DCDC1: variants seen among roughly 807,000 people sequenced by gnomAD.
DCDC1 encodes the protein doublecortin domain containing 1, also known as doublecortin domain-containing protein 1.
Under a neutral mutation model 178.3 loss-of-function variants are expected in DCDC1, and 200 were observed. The ratio of observed to expected loss-of-function variants is 1.12; its 90% CI spans 1.00 to 1.26. The LOEUF is 1.26. DCDC1 is among the 50% of genes most tolerant of loss of function. The probability of loss-of-function intolerance (pLI) is 0.00; values close to 1 mark genes in which losing one functional copy is unlikely to be tolerated. For missense variants in DCDC1, 1,983 were observed against 1,749.2 expected, an observed-to-expected ratio of 1.13 and a Z score of -2.38; for synonymous variants, 690 against 604.8, an observed-to-expected ratio of 1.14 and a Z score of -2.07.
intron 9 of DCDC1, among the ~76,000 whole-genome samples, chr11:31,172,996 T>C (rs566550052): frequency 6.6e-6 from 1 of 152,226 alleles, no homozygotes; most frequent in East Asian, 1.9e-4. Context: ...ATTCATAGAC[T>C]CATAAGAGCT....
chr11:31,041,220 T>C (rs1463975758), intron 20 of DCDC1, among the ~76,000 whole-genome samples: 1 of 152,170 alleles, frequency 6.6e-6, no homozygotes, highest in Non-Finnish European at 1.5e-5. Context: ...GCTTGTATTC[T>C]CAAAAGAAAG....
rs146211520 is a variant in DCDC1 at position 30,908,364 on chromosome 11, G to C, written c.3918+582C>G. Among the ~76,000 whole-genome samples the C allele has an allele frequency of 3.1e-4, 47 of 152,190 alleles. No individual in the cohort carries two copies. The East Asian group carries it at 7.7e-3, about 25-fold the overall frequency. On this transcript the variant is annotated intron_variant, in intron 29 of 38. Transcript: ENST00000684477. ...TTAAGGGGCATTCAATATGAAAATG[G>C]AGCCAGACTACGCAACTGAGTGTCA... is the stretch of plus-strand genomic sequence containing the variant.
chr11:31,344,161 T>A (rs1950695579), intron 1 of DCDC1, among the ~76,000 whole-genome samples: 1 of 152,128 alleles, frequency 6.6e-6, no homozygotes, highest in African/African-American at 2.4e-5. Context: ...GACAATTAAA[T>A]GAGAACTAAT....
chr11:31,060,875 G>A (rs1242628249), intron 20 of DCDC1, among the ~76,000 whole-genome samples: 7 of 152,102 alleles, frequency 4.6e-5, no homozygotes, highest in Non-Finnish European at 7.4e-5. Flanking sequence ...CAAAGCTCAT[G>A]AGATATTAAA....
chr11:31,209,606 A>C (rs1438489794), intron 9 of DCDC1, among the ~76,000 whole-genome samples: 1 of 152,226 alleles, frequency 6.6e-6, no homozygotes, highest in Non-Finnish European at 1.5e-5. Context: ...CATATCTCAG[A>C]GGGGCAGTTA....
rs1940820308 is a variant in DCDC1, at chr11:30,864,227, A to T, written c.*1146T>A. On this transcript the variant is annotated 3_prime_UTR_variant, in exon 39 of 39. Coordinates refer to ENST00000684477, the MANE Select transcript of DCDC1 (RefSeq NM_001387274.1). ...AAATCAACTTGAGAACTGCTTCATG[A>T]TTGCCTGTCGAAGTCTCAAATGTTG... 1 of 152,216 alleles carries T rather than the reference A, an allele frequency of 6.6e-6. No homozygotes were observed. The allele number at this position is 152,216 out of a possible 1,614,324, so 9.4% of individuals were successfully genotyped here.
At chr11:31,051,209 C>T (rs1210807076) in intron 20 of DCDC1, among the ~76,000 whole-genome samples, 2 of 152,038 alleles carry the variant, frequency 1.3e-5, no homozygotes, top group Non-Finnish European at 2.9e-5. Flanking sequence ...TAGAACTGAA[C>T]AAGTAGAAGA....
At chr11:31,366,603 G>A (rs111565378) in intron 1 of DCDC1, among the ~76,000 whole-genome samples, 1 of 152,186 alleles carries the variant, frequency 6.6e-6, no homozygotes, top group African/African-American at 2.4e-5. Flanking sequence ...GGTGTTATAA[G>A]TAAGGAGAAG....
chr11:31,102,488 T>C (rs1336213705), intron 14 of DCDC1, among the ~76,000 whole-genome samples: 1 of 152,196 alleles, frequency 6.6e-6, no homozygotes. Flanking sequence ...TATGTCCCTC[T>C]AGACATATTT....
chr11:30,890,944 T>C (rs901873073), intron 36 of DCDC1, among the ~76,000 whole-genome samples: 2 of 152,302 alleles, frequency 1.3e-5, no homozygotes, highest in South Asian at 2.1e-4. Context: ...AGGCTTGTAA[T>C]AAATATTCTT....
intron 20 of DCDC1, among the ~76,000 whole-genome samples, chr11:31,000,471 C>G (rs542077034): frequency 6.6e-6 from 1 of 152,062 alleles, no homozygotes; most frequent in Non-Finnish European, 1.5e-5. Context: ...AATTTCAGAG[C>G]CCTTTTCTGT....
At chr11:31,213,389 G>C (rs893071557) in intron 9 of DCDC1, among the ~76,000 whole-genome samples, 28 of 151,766 alleles carry the variant, frequency 1.8e-4, no homozygotes, top group African/African-American at 6.8e-4. Flanking sequence ...TAAAGTAGGA[G>C]TATTAAATCC....
intron 20 of DCDC1, among the ~76,000 whole-genome samples, chr11:30,953,762 T>C (rs1161700427): frequency 6.6e-6 from 1 of 152,078 alleles, no homozygotes; most frequent in African/African-American, 2.4e-5. Context: ...TGAAAGTACG[T>C]ATTCAAACAA....
intron 36 of DCDC1, among the ~76,000 whole-genome samples, chr11:30,884,048 T>TTTTTTTTTTTA (rs1565023355): frequency 1.4e-5 from 2 of 147,294 alleles, no homozygotes; most frequent in African/African-American, 5.0e-5. Flanking sequence ...TTTTTTTTTT[T>TTTTTTTTTTTA]GAGACAGGGT....
At chr11:31,225,480 A>T (rs956449195) in intron 9 of DCDC1, among the ~76,000 whole-genome samples, 1 of 151,832 alleles carries the variant, frequency 6.6e-6, no homozygotes, top group Non-Finnish European at 1.5e-5. Context: ...GAACTTATCC[A>T]TGTAACCAAA....
At chr11:31,055,553 C>A (rs1955531051) in intron 20 of DCDC1, among the ~76,000 whole-genome samples, 1 of 152,158 alleles carries the variant, frequency 6.6e-6, no homozygotes, top group African/African-American at 2.4e-5. Context: ...CTTGCACATG[C>A]GTGTTTATAG....
At chr11:31,129,130 A>G (rs894350042) in intron 10 of DCDC1, among the ~76,000 whole-genome samples, 2 of 152,150 alleles carry the variant, frequency 1.3e-5, no homozygotes, top group Non-Finnish European at 2.9e-5. Context: ...GAGCATTCAG[A>G]GAAGTTAGTG....
intron 21 of DCDC1, among the ~76,000 whole-genome samples, chr11:30,940,444 C>A (rs1352856482): frequency 3.9e-5 from 6 of 152,110 alleles, no homozygotes; most frequent in Non-Finnish European, 8.8e-5. Context: ...GCTATATAAA[C>A]CCCTAATTTT....
intron 20 of DCDC1, among the ~76,000 whole-genome samples, chr11:31,051,317 C>G (rs1955232762): frequency 6.6e-6 from 1 of 152,118 alleles, no homozygotes; most frequent in African/African-American, 2.4e-5. Context: ...TCCAAGAAGT[C>G]TGGGATTATG....
Sources: gnomAD v4.1 joint callset for allele counts (sites outside exome capture counted in the v4.1 genomes callset) on GRCh38, gnomAD v4.1.1 for gene constraint, MANE v1.5 for transcripts, NCBI Gene and HGNC (gene_info 2026-07-23, HGNC 2026-07-21) for gene names.